DNAH10: variants seen among roughly 807,000 people sequenced by gnomAD.
The protein encoded by DNAH10 is dynein axonemal heavy chain 10.
Under a neutral mutation model 506.6 loss-of-function variants are expected in DNAH10, and 348 were observed. The observed-to-expected ratio is 0.69, with a 90% CI of 0.63 to 0.75. The LOEUF (loss-of-function observed/expected upper bound fraction) is 0.75, where lower values mean the gene tolerates loss of function less well. DNAH10 is among the 30% of genes least tolerant of loss of function. The pLI, the probability that DNAH10 is intolerant of heterozygous loss-of-function variation, is 0.00. For missense variants in DNAH10, 5,179 were observed against 5,787.1 expected, an observed-to-expected ratio of 0.89 and a Z score of 3.41; for synonymous variants, 2,059 against 2,198.6, an observed-to-expected ratio of 0.94 and a Z score of 1.78.
At chr12:123,866,209 G>C in intron 41 of DNAH10, 136 bp downstream of exon 41, 1 of 179,894 alleles carries the variant, frequency 5.6e-6, no homozygotes, top group Non-Finnish European at 1.0e-5. Flanking sequence ...CACAAAATAA[G>C]TGAAAACATG....
Position 123,771,161 on chromosome 12 carries a change from G to A in DNAH10, c.299-440G>A, listed in dbSNP as rs187522485. Among the ~76,000 whole-genome samples the A allele has an allele frequency of 4.0e-3, 604 of 152,066 alleles. 3 individuals carry two copies. Among genetic ancestry groups the A allele is most frequent in the African/African-American group, 0.014 (576 of 41,456 alleles). Reference sequence around the variant, plus strand: ...ATTTTTGTATTTTTAGTAGAGACAGGGTGTTGCCATGCTGGCCAGGCTGGT... The same window carrying A: ...ATTTTTGTATTTTTAGTAGAGACAGAGTGTTGCCATGCTGGCCAGGCTGGT... On this transcript the variant is annotated intron_variant, in intron 2 of 78. Transcript: ENST00000673944.
At chr12:123,922,110 C>T (rs1954756203) in intron 65 of DNAH10, among the ~76,000 whole-genome samples, 1 of 152,052 alleles carries the variant, frequency 6.6e-6, no homozygotes, top group Non-Finnish European at 1.5e-5. Flanking sequence ...CGCGGTGGCT[C>T]ACTCCTGTAA....
chr12:123,866,987 G>A (rs1290152884), intron 41 of DNAH10, among the ~76,000 whole-genome samples: 1 of 152,204 alleles, frequency 6.6e-6, no homozygotes, highest in Non-Finnish European at 1.5e-5. Context: ...ACATAATTAT[G>A]CCAGAAAAGA....
At chr12:123,892,488 C>G (rs1047370896) in intron 52 of DNAH10, among the ~76,000 whole-genome samples, 1 of 152,182 alleles carries the variant, frequency 6.6e-6, no homozygotes, top group African/African-American at 2.4e-5. Context: ...CTGGGGATCA[C>G]AATTCAACCT....
chr12:123,850,839 C>T lies in DNAH10; in HGVS notation c.6103-49C>T, dbSNP rs544132580. On this transcript the variant is annotated intron_variant, in intron 34 of 78. Transcript: ENST00000673944. This position sits in a 1 kb window ranked among gnomAD's most constrained non-coding sequence, Gnocchi z 5.5. ...CAGGCCCCCTTTCCAAGGGGCTGGC[C>T]GGCCGGGCCACCTAACTGCTTCTTT... The T allele has an allele frequency of 6.1e-5, 95 of 1,560,064 alleles. No homozygotes were observed. Among genetic ancestry groups the T allele is most frequent in the Non-Finnish European group, 7.2e-5 (83 of 1,151,442 alleles).
At chr12:123,837,570 A>C (rs936791904) in intron 28 of DNAH10, among the ~76,000 whole-genome samples, 11 of 148,946 alleles carry the variant, frequency 7.4e-5, no homozygotes, top group African/African-American at 2.3e-4. Flanking sequence ...ATTCTACAAA[A>C]TATGATTGTT....
chr12:123,926,659 A>C lies in DNAH10; in HGVS notation c.11944A>C (p.Ser3982Arg). 1 of 1,613,544 alleles carries C rather than the reference A, an allele frequency of 6.2e-7. No homozygotes were observed. The highest frequency in any genetic ancestry group is 8.5e-7 in the Non-Finnish European group (1 of 1,179,700). The part of the protein sequence containing the change: ...GEKYVQPPMI[S>R]FEAIFEQSTP... ...CAGGTATGTGCAGCCCCCAATGATC[A>C]GCTTTGAAGCTATTTTTGAGCAGAG... The change falls in exon 69 of 79, where the codon AGC becomes CGC. Residue 3982 changes from serine (S) to arginine (R), a missense_variant. Physicochemically the swap from Ser to Arg is moderately radical, Grantham distance 110. Around this residue, in one of 3 missense-constraint regions of DNAH10, gnomAD observed 4,844 missense variants for 5,430.5 expected, o/e 0.89. Transcript: ENST00000673944. The surrounding 1 kb of genome is among the most constrained non-coding windows in gnomAD (Gnocchi z 4.1).
At chr12:123,802,174 T>G (rs1958502904) in intron 16 of DNAH10, among the ~76,000 whole-genome samples, 1 of 152,220 alleles carries the variant, frequency 6.6e-6, no homozygotes, top group Non-Finnish European at 1.5e-5. Context: ...CGGTTTTGGC[T>G]CTTAGGAATA....
At chr12:123,845,527 T>G (rs1950913678) in intron 30 of DNAH10, 73 bp from the exon 31 acceptor site, 2 of 1,562,160 alleles carry the variant, frequency 1.3e-6, no homozygotes, top group Non-Finnish European at 1.7e-6. Context: ...AAGAAATAAA[T>G]TCCTGAAGGG....
chr12:123,865,325 G>A (rs79287760), intron 40 of DNAH10, among the ~76,000 whole-genome samples: 8,398 of 151,604 alleles, frequency 0.055, 576 homozygotes, highest in African/African-American at 0.17. Flanking sequence ...TTTCCTGGAG[G>A]CTATTCTCCA....
In DNAH10 at chr12:123,850,826, C is replaced by T; in HGVS notation, c.6103-62C>T. ...ACGCAGCTCGCCGCAGGCCCCCTTT[C>T]CAAGGGGCTGGCCGGCCGGGCCACC... On this transcript the variant is annotated intron_variant, in intron 34 of 78. Coordinates refer to ENST00000673944, the MANE Select transcript of DNAH10 (RefSeq NM_001372106.1). This position sits in a 1 kb window ranked among gnomAD's most constrained non-coding sequence, Gnocchi z 5.5. 1 of 1,530,174 alleles carries T rather than the reference C, an allele frequency of 6.5e-7. No individual in the cohort carries two copies. Among genetic ancestry groups the T allele is most frequent in the Non-Finnish European group, 8.8e-7 (1 of 1,135,524 alleles). The allele number at this position is 1,530,174 out of a possible 1,614,324, so 94.8% of individuals were successfully genotyped here.
At chr12:123,840,876 C>T (rs956082548) in intron 29 of DNAH10, among the ~76,000 whole-genome samples, 4 of 152,126 alleles carry the variant, frequency 2.6e-5, no homozygotes, top group African/African-American at 9.7e-5. Context: ...TTGTTAAGTG[C>T]CATGATTGTG....
chr12:123,923,871 A>G lies in DNAH10; in HGVS notation c.11611+4A>G, dbSNP rs1385089314. On this transcript the variant is annotated splice_donor_region_variant and intron_variant, in intron 66 of 78. Transcript: ENST00000673944. The stretch of plus-strand genomic sequence containing the variant: ...GAACTAGATTTCTTTTTAAAAGGTA[A>G]TGAATTTGCCTAGCTTCATTCCTCC... The G allele has an allele frequency of 1.2e-6, 2 of 1,600,928 alleles. No individual in the cohort carries two copies. The highest frequency in any genetic ancestry group is 1.1e-5 in the South Asian group (1 of 88,964).
intron 25 of DNAH10, among the ~76,000 whole-genome samples, 154 bp downstream of exon 25, chr12:123,827,052 G>A (rs1960070047): frequency 1.3e-5 from 2 of 152,158 alleles, no homozygotes; most frequent in Admixed American, 6.5e-5. Context: ...GTTCTATAAT[G>A]TTGTTTCTAT....
At position 123,867,998 on chromosome 12, in the gene DNAH10, C is replaced by A; in HGVS notation, c.7398C>A (p.Cys2466Ter). The change falls in exon 43 of 79, where the codon TGC becomes TGA. Residue 2466 changes from cysteine (C) to a stop codon, truncating the protein, a stop_gained. Transcript: ENST00000673944. LOFTEE classifies it high-confidence loss of function. ...LECYFLEALY[C>*]SLGASLLEDG... ...GCTACTTCCTGGAGGCTTTGTACTGCTCTCTGGGAGCCTCCCTGCTTGAGG... is the reference window on the plus strand; with the variant it reads ...GCTACTTCCTGGAGGCTTTGTACTGATCTCTGGGAGCCTCCCTGCTTGAGG... 1 of 1,613,930 alleles carries A rather than the reference C, an allele frequency of 6.2e-7. No individual in the cohort carries two copies. Among genetic ancestry groups the A allele is most frequent in the Non-Finnish European group, 8.5e-7 (1 of 1,179,874 alleles).
At chr12:123,810,811 A>G (rs1958904356) in intron 19 of DNAH10, among the ~76,000 whole-genome samples, 1 of 152,194 alleles carries the variant, frequency 6.6e-6, no homozygotes. Context: ...GGTGCTATGT[A>G]TGTTTCCTTT....
At chr12:123,914,783 C>T in intron 61 of DNAH10, 69 bp from the exon 62 acceptor site, 1 of 1,559,894 alleles carries the variant, frequency 6.4e-7, no homozygotes, top group South Asian at 1.2e-5. Flanking sequence ...AAGGCCAGTC[C>T]TACCACCCTT....
intron 26 of DNAH10, 97 bp downstream of exon 26, chr12:123,830,796 T>A (rs7976816): frequency 0.34 from 350,322 of 1,019,536 alleles, 27,154 homozygotes; most frequent in Non-Finnish European, 0.38. Flanking sequence ...AAAAAAAAAA[T>A]TAGCTGAGCG....
intron 52 of DNAH10, among the ~76,000 whole-genome samples, chr12:123,892,100 G>A (rs370177595): frequency 6.6e-6 from 1 of 152,234 alleles, no homozygotes; most frequent in African/African-American, 2.4e-5. Flanking sequence ...CATAGAATAC[G>A]TTGCATACCC....
Sources: allele counts gnomAD v4.1 joint callset (sites outside exome capture counted in the v4.1 genomes callset), GRCh38; gene constraint gnomAD v4.1.1; regional missense constraint gnomAD v4.1.1; non-coding constraint Gnocchi (gnomAD v3.1); transcripts MANE v1.5; gene names NCBI Gene and HGNC (gene_info 2026-07-23, HGNC 2026-07-21).